The following RARB variants were observed in gnomAD, a reference collection of about 807,000 sequenced individuals.
RARB encodes HBV-activated protein.
A neutral mutation model predicts 51.9 loss-of-function variants in RARB; 17 were observed. The observed-to-expected ratio is 0.33, with a 90% CI of 0.22 to 0.49. RARB has a LOEUF of 0.49. Among genes scored for constraint, RARB ranks in the 20% least tolerant of loss-of-function variants. RARB has a pLI of 0.99. For missense variants in RARB, 369 were observed against 550.8 expected (o/e 0.67, Z 3.30); for synonymous variants, 215 against 195.4 (o/e 1.10, Z -0.84).
At chr3:25,096,348 T>C (rs746628855) in intron 3 of RARB, among the ~76,000 whole-genome samples, 2 of 152,108 alleles carry the variant, frequency 1.3e-5, no homozygotes, top group Non-Finnish European at 2.9e-5. Context: ...AGAAGGAAGA[T>C]AAGCATTTAT....
intron 5 of RARB, among the ~76,000 whole-genome samples, chr3:25,391,786 A>C (rs1023770568): frequency 6.6e-6 from 1 of 151,996 alleles, no homozygotes; most frequent in Non-Finnish European, 1.5e-5. Flanking sequence ...GATTCTGGAC[A>C]TTAGTCCTTT....
chr3:24,962,962 C>T (rs1306683078), intron 2 of RARB, among the ~76,000 whole-genome samples: 1 of 152,152 alleles, frequency 6.6e-6, no homozygotes, highest in Non-Finnish European at 1.5e-5. Context: ...GCCGAAGTCA[C>T]CCATCCATAA....
chr3:24,956,944 A>G (rs1696029437), intron 2 of RARB, among the ~76,000 whole-genome samples: 1 of 152,230 alleles, frequency 6.6e-6, no homozygotes, highest in South Asian at 2.1e-4. Context: ...GTTATGGGCC[A>G]ATCCCTCTGA....
intron 2 of RARB, among the ~76,000 whole-genome samples, chr3:24,948,563 T>G (rs1050936586): frequency 2.2e-4 from 33 of 152,112 alleles, no homozygotes; most frequent in African/African-American, 8.0e-4. Flanking sequence ...TGTGATTGAG[T>G]GTTATTTAAT....
chr3:25,329,799 C>A (rs761031664), intron 5 of RARB, among the ~76,000 whole-genome samples: 1 of 152,128 alleles, frequency 6.6e-6, no homozygotes, highest in Admixed American at 6.6e-5. Flanking sequence ...ACTAGAATAA[C>A]CAGTGTAGAG....
In RARB at chr3:25,258,889, A is replaced by G. The variant is rs183913196; in HGVS notation, c.178+84314A>G. Reference sequence around the variant, plus strand: ...AGAGGTCCCTGAATGTATTCTCAAGAGAAAGGCATAAACCTCTCTTAAGGA... The same window carrying G: ...AGAGGTCCCTGAATGTATTCTCAAGGGAAAGGCATAAACCTCTCTTAAGGA... On this transcript the variant is annotated intron_variant, in intron 5 of 11. Coordinates refer to the RARB transcript ENST00000383772. Among the ~76,000 whole-genome samples, 48 of 152,234 alleles carry G rather than the reference A, an allele frequency of 3.2e-4. No homozygotes were observed. In the East Asian group the frequency reaches 7.7e-3, roughly 25 times the overall value.
chr3:25,096,035 C>T (rs944192019), intron 3 of RARB, among the ~76,000 whole-genome samples: 25 of 152,180 alleles, frequency 1.6e-4, no homozygotes, highest in Admixed American at 8.5e-4. Context: ...TACTGGACTG[C>T]TTAATTGGCA....
At chr3:25,588,718 A>G (rs1027226459) in intron 5 of RARB, among the ~76,000 whole-genome samples, 1 of 152,102 alleles carries the variant, frequency 6.6e-6, no homozygotes, top group Non-Finnish European at 1.5e-5. Flanking sequence ...CGCCTCCACA[A>G]TCGCTCATCA....
intron 3 of RARB, among the ~76,000 whole-genome samples, chr3:25,073,630 A>C (rs753991088): frequency 2.0e-5 from 3 of 152,232 alleles, no homozygotes; most frequent in Non-Finnish European, 4.4e-5. Flanking sequence ...TACTTCATCA[A>C]AGTACTTTAG....
rs745680859 is a variant in RARB, at chr3:25,501,330, G to A, written c.448+7G>A. On this transcript the variant is annotated splice_region_variant and intron_variant, in intron 3 of 7. Transcript: ENST00000330688. Reference sequence around the variant, plus strand: ...GTGGGAATGTCCAAAGAATGTAAGTGGAGTCTCAAAAAACTTTTTCCCTGT... The same window carrying A: ...GTGGGAATGTCCAAAGAATGTAAGTAGAGTCTCAAAAAACTTTTTCCCTGT... 2 of 1,606,352 alleles carry A rather than the reference G, an allele frequency of 1.2e-6. No homozygotes were observed. The highest frequency in any genetic ancestry group is 1.7e-6 in the Non-Finnish European group (2 of 1,178,132).
chr3:25,341,390 A>G (rs1199104987), intron 5 of RARB, among the ~76,000 whole-genome samples: 3 of 152,202 alleles, frequency 2.0e-5, no homozygotes, highest in African/African-American at 4.8e-5. Flanking sequence ...GAGTAGAAAA[A>G]GGTTGTGGAA....
rs1553638585 is a variant in RARB at position 25,159,413 on chromosome 3, C to CA, written c.-279-14706_-279-14705insA. Among the ~76,000 whole-genome samples, 46 of 15,310 alleles carry CA rather than the reference C, an allele frequency of 3.0e-3. 1 individual carries two copies. The Admixed American group carries it at 0.042, about 14-fold the overall frequency. 10.0% of individuals were successfully genotyped at this position (15,310 alleles called of 152,430 possible). Reference sequence around the variant, plus strand: ...CGAACTCCTGACCTCAGATGATCCACCCCCCCCGCTCCCCCTCAGCCTCCC... The same window carrying CA: ...CGAACTCCTGACCTCAGATGATCCACACCCCCCCGCTCCCCCTCAGCCTCCC... On this transcript the variant is annotated intron_variant, in intron 4 of 11. Coordinates refer to the RARB transcript ENST00000383772.
At chr3:25,083,355 C>T (rs1411725424) in intron 3 of RARB, among the ~76,000 whole-genome samples, 1 of 152,048 alleles carries the variant, frequency 6.6e-6, no homozygotes, top group Non-Finnish European at 1.5e-5. Flanking sequence ...TTTTTAGCAT[C>T]GTGCTTGATT....
chr3:25,583,580 G>A (rs1701270163), intron 5 of RARB, among the ~76,000 whole-genome samples: 1 of 152,248 alleles, frequency 6.6e-6, no homozygotes, highest in South Asian at 2.1e-4. Context: ...GGCTCTCCAG[G>A]AAGGGTTGAT....
At chr3:25,488,525 A>AC (rs113463175) in intron 2 of RARB, among the ~76,000 whole-genome samples, 11,364 of 151,974 alleles carry the variant, frequency 0.075, 1,371 homozygotes, top group African/African-American at 0.26. Flanking sequence ...AGGCTGAAAC[A>AC]CCCCCAAAGC....
intron 3 of RARB, among the ~76,000 whole-genome samples, chr3:25,113,847 G>T (rs1699643407): frequency 6.6e-6 from 1 of 152,058 alleles, no homozygotes. Context: ...GAGGCTGGTT[G>T]CATTGCCAAC....
intron 5 of RARB, among the ~76,000 whole-genome samples, chr3:25,185,505 C>T (rs1436840240): frequency 6.6e-6 from 1 of 151,972 alleles, no homozygotes; most frequent in Admixed American, 6.6e-5. Context: ...ATTGGCCAAC[C>T]AAAAAGAAGT....
intron 2 of RARB, among the ~76,000 whole-genome samples, chr3:24,865,467 C>T (rs1225854342): frequency 2.0e-5 from 3 of 152,220 alleles, no homozygotes; most frequent in Admixed American, 1.3e-4. Flanking sequence ...TCCCCATTTT[C>T]CAGATGAGCA....
intron 5 of RARB, among the ~76,000 whole-genome samples, chr3:25,362,894 G>A (rs1261706574): frequency 1.3e-5 from 2 of 152,184 alleles, no homozygotes; most frequent in Non-Finnish European, 2.9e-5. Context: ...TCTGGGAGCT[G>A]CAGACTGGAG....
Sources: allele counts gnomAD v4.1 joint callset (sites outside exome capture counted in the v4.1 genomes callset), GRCh38; gene constraint gnomAD v4.1.1; transcripts MANE v1.5; gene names NCBI Gene and HGNC (gene_info 2026-07-23, HGNC 2026-07-21).